USP32: variants seen among roughly 807,000 people sequenced by gnomAD.
The protein encoded by USP32 is ubiquitin carboxyl-terminal hydrolase 32.
Under a neutral mutation model 204.8 loss-of-function variants are expected in USP32, and 59 were observed. The ratio of observed to expected loss-of-function variants is 0.29; its 90% CI spans 0.23 to 0.36. The LOEUF (loss-of-function observed/expected upper bound fraction) is 0.36. Ranked by LOEUF, USP32 falls within the 10% of genes least tolerant of loss-of-function variation. The pLI, the probability that USP32 is intolerant of heterozygous loss-of-function variation, is 1.00. For synonymous variants in USP32, 517 were observed against 678.4 expected, an observed-to-expected ratio of 0.76 and a Z score of 3.70; for missense variants, 1,160 against 1,946.4, an observed-to-expected ratio of 0.60 and a Z score of 7.60.
intron 1 of USP32, among the ~76,000 whole-genome samples, chr17:60,365,192 A>G (rs1483363222): frequency 3.3e-5 from 5 of 152,112 alleles, no homozygotes; most frequent in Non-Finnish European, 4.4e-5. Context: ...AAAAATGACC[A>G]TGTTTTAGCC....
intron 5 of USP32, among the ~76,000 whole-genome samples, chr17:60,273,427 A>G (rs2145795669): frequency 6.6e-6 from 1 of 152,304 alleles, no homozygotes; most frequent in Non-Finnish European, 1.5e-5. Flanking sequence ...AAACAGAGAA[A>G]AACTAACTCT....
chr17:60,364,744 T>C (rs2146066549), intron 1 of USP32, among the ~76,000 whole-genome samples: 1 of 152,352 alleles, frequency 6.6e-6, no homozygotes, highest in South Asian at 2.1e-4. Flanking sequence ...ATTTCACTTT[T>C]ATTAGCAGTC....
chr17:60,203,134 A>C (rs1352627802), intron 26 of USP32, among the ~76,000 whole-genome samples: 1 of 149,386 alleles, frequency 6.7e-6, no homozygotes, highest in East Asian at 2.0e-4. Flanking sequence ...GGCCGGGTGC[A>C]GTGGCTCATA....
At chr17:60,377,965 A>G (rs2089579743) in intron 1 of USP32, among the ~76,000 whole-genome samples, 1 of 152,218 alleles carries the variant, frequency 6.6e-6, no homozygotes. Context: ...TATCAAGACC[A>G]TGAAAGACAA....
chr17:60,214,891 G>A, intron 16 of USP32, 117 bp from the exon 17 acceptor site: 1 of 1,502,454 alleles, frequency 6.7e-7, no homozygotes. Context: ...AATTACAGGT[G>A]TAATAATTTT....
chr17:60,384,647 C>T (rs540684272), intron 1 of USP32, among the ~76,000 whole-genome samples: 4 of 152,100 alleles, frequency 2.6e-5, no homozygotes, highest in Admixed American at 6.5e-5. Context: ...CAAAATTAGT[C>T]GGGCATGGTG....
At chr17:60,329,920 A>G (rs2088339387) in intron 2 of USP32, among the ~76,000 whole-genome samples, 2 of 152,258 alleles carry the variant, frequency 1.3e-5, no homozygotes, top group African/African-American at 4.8e-5. Flanking sequence ...AGAGATACTC[A>G]GAGCATAAGC....
chr17:60,419,359 A>G (rs896019286), intron 1 of USP32, among the ~76,000 whole-genome samples: 3 of 152,168 alleles, frequency 2.0e-5, no homozygotes, highest in Non-Finnish European at 2.9e-5. Flanking sequence ...ACTGGGGCCT[A>G]CCAGAGAGTG....
intron 9 of USP32, among the ~76,000 whole-genome samples, chr17:60,264,917 G>GAAAA (rs2086552567): frequency 6.7e-6 from 1 of 149,554 alleles, no homozygotes; most frequent in Admixed American, 6.7e-5. Flanking sequence ...AGATTAAGAG[G>GAAAA]AAAAAAACAT....
At chr17:60,379,558 C>T (rs1031575864) in intron 1 of USP32, among the ~76,000 whole-genome samples, 3 of 152,074 alleles carry the variant, frequency 2.0e-5, no homozygotes, top group African/African-American at 4.8e-5. Context: ...ACATGAGATG[C>T]GCAAAAGTCT....
intron 1 of USP32, among the ~76,000 whole-genome samples, chr17:60,387,880 GGTT>G (rs2089758311): frequency 6.6e-6 from 1 of 151,996 alleles, no homozygotes; most frequent in Non-Finnish European, 1.5e-5. Context: ...TTAATACTAT[GGTT>G]ATTAATACTA....
intron 1 of USP32, among the ~76,000 whole-genome samples, chr17:60,413,878 A>AT (rs2090038970): frequency 8.6e-6 from 1 of 115,704 alleles, no homozygotes; most frequent in African/African-American, 3.4e-5. Flanking sequence ...AAAAAAAAGA[A>AT]AAAAAAAAAA....
intron 16 of USP32, among the ~76,000 whole-genome samples, chr17:60,216,388 A>G (rs1284552999): frequency 2.0e-5 from 3 of 151,832 alleles, no homozygotes; most frequent in African/African-American, 7.3e-5. Flanking sequence ...CTGAGGCTGT[A>G]TTTTATTGAG....
chr17:60,312,795 G>A (rs1397428207), intron 2 of USP32, among the ~76,000 whole-genome samples: 1 of 152,122 alleles, frequency 6.6e-6, no homozygotes, highest in Non-Finnish European at 1.5e-5. Flanking sequence ...TGACAAAGAT[G>A]AAACATGAAT....
chr17:60,254,031 G>A (rs982161150), intron 10 of USP32, among the ~76,000 whole-genome samples: 4 of 152,096 alleles, frequency 2.6e-5, no homozygotes, highest in African/African-American at 4.8e-5. Context: ...CAACACAGAC[G>A]TGTTGCAGAC....
At chr17:60,265,564 T>G in intron 8 of USP32, 90 bp from the exon 9 acceptor site, 1 of 898,074 alleles carries the variant, frequency 1.1e-6, no homozygotes. Context: ...AAGCAAGATT[T>G]GTTTTGCTTT....
Position 60,360,103 on chromosome 17 carries a change from C to T in USP32, c.59-14495G>A, listed in dbSNP as rs1567873796. Among the ~76,000 whole-genome samples the T allele has an allele frequency of 2.0e-5, 3 of 151,688 alleles. No homozygotes were observed. In the East Asian group the frequency reaches 6.0e-4, roughly 30 times the overall value. On this transcript the variant is annotated intron_variant, in intron 1 of 33. Coordinates refer to ENST00000300896, the MANE Select transcript of USP32 (RefSeq NM_032582.4). The stretch of plus-strand genomic sequence containing the variant: ...CAGGATGGTCTTGATCTCCTGACCT[C>T]GTGATCCACCTGCCTCAGCCTCCTA...
At chr17:60,199,504 G>C (rs2084619283) in intron 26 of USP32, among the ~76,000 whole-genome samples, 1 of 152,118 alleles carries the variant, frequency 6.6e-6, no homozygotes, top group Non-Finnish European at 1.5e-5. Flanking sequence ...GTTATCTAAA[G>C]CTGCTGAACC....
chr17:60,285,839 A>C (rs571480102), intron 5 of USP32, among the ~76,000 whole-genome samples: 4 of 152,268 alleles, frequency 2.6e-5, no homozygotes, highest in Non-Finnish European at 4.4e-5. Context: ...GATAGAAAGA[A>C]GCATAAGAAA....
Sources: allele counts gnomAD v4.1 joint callset (sites outside exome capture counted in the v4.1 genomes callset), GRCh38; gene constraint gnomAD v4.1.1; transcripts MANE v1.5; gene names NCBI Gene and HGNC (gene_info 2026-07-23, HGNC 2026-07-21).